RGS7BP: variants seen among roughly 807,000 people sequenced by gnomAD.
RGS7BP encodes the protein regulator of G protein signaling 7-binding protein.
RGS7BP carries 9 observed loss-of-function variants against 31.3 expected under a neutral mutation model. That is an observed-to-expected ratio of 0.29 (90% CI 0.17 to 0.50). The LOEUF (loss-of-function observed/expected upper bound fraction) is 0.50, where lower values mean the gene tolerates loss of function less well. RGS7BP is among the 20% of genes least tolerant of loss of function. RGS7BP has a pLI of 0.98. For synonymous variants in RGS7BP, 115 were observed against 120.1 expected, an observed-to-expected ratio of 0.96 and a Z score of 0.28; for missense variants, 274 against 322.0, an observed-to-expected ratio of 0.85 and a Z score of 1.14.
Position 64,607,584 on chromosome 5 carries a change from TA to T in RGS7BP, c.683-1576del, listed in dbSNP as rs1743396536. The stretch of plus-strand genomic sequence containing the variant: ...GAAAGAAATGTCTGGGTTATTATGA[TA>T]GGGGGTTATGGAGACCAAGGTTTTA... On this transcript the variant is annotated intron_variant, in intron 5 of 5. Transcript: ENST00000334025. Among the ~76,000 whole-genome samples the T allele has an allele frequency of 4.6e-5, 7 of 152,096 alleles. No individual in the cohort carries two copies. The South Asian group carries it at 1.5e-3, about 32-fold the overall frequency.
At chr5:64,565,712 A>C (rs949403200) in intron 2 of RGS7BP, among the ~76,000 whole-genome samples, 1 of 152,154 alleles carries the variant, frequency 6.6e-6, no homozygotes, top group African/African-American at 2.4e-5. Context: ...TGGGGATTAC[A>C]GAGATACATA....
intron 2 of RGS7BP, among the ~76,000 whole-genome samples, chr5:64,509,412 G>T (rs1484331771): frequency 1.3e-5 from 2 of 152,170 alleles, no homozygotes; most frequent in Admixed American, 1.3e-4. Context: ...GTTCTAATCA[G>T]AGATGGTGGG....
At chr5:64,532,793 G>A (rs1749405274) in intron 2 of RGS7BP, among the ~76,000 whole-genome samples, 1 of 151,258 alleles carries the variant, frequency 6.6e-6, no homozygotes, top group Non-Finnish European at 1.5e-5. Flanking sequence ...CCCCTTTTCA[G>A]GCCATTCTTC....
intron 2 of RGS7BP, among the ~76,000 whole-genome samples, chr5:64,523,555 C>T (rs1164356842): frequency 6.6e-6 from 1 of 152,168 alleles, no homozygotes; most frequent in East Asian, 1.9e-4. Flanking sequence ...AGTGTTTTAT[C>T]ACTTCGAGTT....
chr5:64,587,637 T>C (rs12514312), intron 3 of RGS7BP, among the ~76,000 whole-genome samples: 44,686 of 151,636 alleles, frequency 0.29, 6,849 homozygotes, highest in South Asian at 0.4. Context: ...CAGGAAAGAG[T>C]ATAAAATAAA....
At chr5:64,521,070 A>G (rs765834514) in intron 2 of RGS7BP, among the ~76,000 whole-genome samples, 2 of 152,126 alleles carry the variant, frequency 1.3e-5, no homozygotes, top group Admixed American at 6.5e-5. Flanking sequence ...TGCCTCCCTC[A>G]TGAGATTTCT....
intron 2 of RGS7BP, among the ~76,000 whole-genome samples, chr5:64,562,927 C>T (rs527638177): frequency 5.9e-5 from 9 of 152,208 alleles, no homozygotes; most frequent in African/African-American, 2.2e-4. Flanking sequence ...ACTTCCTGTT[C>T]CTAGGGATAT....
intron 3 of RGS7BP, among the ~76,000 whole-genome samples, chr5:64,581,129 G>T (rs1742585978): frequency 6.6e-6 from 1 of 152,094 alleles, no homozygotes; most frequent in African/African-American, 2.4e-5. Context: ...TGGGAGGATT[G>T]CTTGAGGTGG....
At chr5:64,587,888 C>T (rs1288526301) in intron 3 of RGS7BP, among the ~76,000 whole-genome samples, 2 of 152,154 alleles carry the variant, frequency 1.3e-5, no homozygotes, top group African/African-American at 4.8e-5. Flanking sequence ...GACACACCCC[C>T]TTCTCCATCA....
chr5:64,530,281 C>T (rs564203248), intron 2 of RGS7BP, among the ~76,000 whole-genome samples: 4 of 152,314 alleles, frequency 2.6e-5, no homozygotes, highest in African/African-American at 4.8e-5. Flanking sequence ...AGAAGTATTT[C>T]ATCTCCCAGG....
chr5:64,591,164 T>C (rs2111947861), intron 3 of RGS7BP, among the ~76,000 whole-genome samples: 1 of 152,158 alleles, frequency 6.6e-6, no homozygotes, highest in African/African-American at 2.4e-5. Context: ...TCAGTATCCA[T>C]TATATGGAGA....
rs545689506 is a variant in RGS7BP at position 64,526,107 on chromosome 5, G to A, written c.332+18230G>A. Reference sequence around the variant, plus strand: ...AGGGAAGAAGGCTTTATTATATTACGGGTGACGTCAGCCAGAGAGACGAGA... The same window carrying A: ...AGGGAAGAAGGCTTTATTATATTACAGGTGACGTCAGCCAGAGAGACGAGA... On this transcript the variant is annotated intron_variant, in intron 2 of 5. Coordinates refer to ENST00000334025, the MANE Select transcript of RGS7BP (RefSeq NM_001029875.3). Among the ~76,000 whole-genome samples the A allele has an allele frequency of 2.2e-4, 33 of 152,264 alleles. 1 individual carries two copies. Among genetic ancestry groups the A allele is most frequent in the Admixed American group, 2.0e-3 (30 of 15,304 alleles).
chr5:64,518,653 G>A (rs1313546784), intron 2 of RGS7BP, among the ~76,000 whole-genome samples: 1 of 152,070 alleles, frequency 6.6e-6, no homozygotes, highest in Non-Finnish European at 1.5e-5. Context: ...TTATCGGTTT[G>A]GAATTATCTT....
chr5:64,596,685 G>A (rs1017546437), intron 4 of RGS7BP, among the ~76,000 whole-genome samples: 28 of 152,132 alleles, frequency 1.8e-4, no homozygotes, highest in African/African-American at 4.1e-4. Flanking sequence ...CTCACACCTC[G>A]CACCCATGAG....
chr5:64,543,648 G>C (rs1485416027), intron 2 of RGS7BP, among the ~76,000 whole-genome samples: 1 of 152,260 alleles, frequency 6.6e-6, no homozygotes, highest in African/African-American at 2.4e-5. Flanking sequence ...CCAATGTCCA[G>C]GTATAACCAA....
chr5:64,545,414 A>G (rs973350136), intron 2 of RGS7BP, among the ~76,000 whole-genome samples: 4 of 151,774 alleles, frequency 2.6e-5, no homozygotes, highest in African/African-American at 7.3e-5. Flanking sequence ...AAGTGTAATA[A>G]TTAAAAAAAA....
At chr5:64,550,396 C>T (rs139969872) in intron 2 of RGS7BP, among the ~76,000 whole-genome samples, 47 of 152,176 alleles carry the variant, frequency 3.1e-4, no homozygotes, top group African/African-American at 1.1e-3. Flanking sequence ...GTCTCTTTTT[C>T]TAAAGGCACT....
At chr5:64,552,890 A>G (rs991313159) in intron 2 of RGS7BP, among the ~76,000 whole-genome samples, 5 of 152,014 alleles carry the variant, frequency 3.3e-5, no homozygotes, top group African/African-American at 1.2e-4. Context: ...AGCCCAGATA[A>G]TTTGAAATCA....
At chr5:64,518,216 G>C (rs1356876546) in intron 2 of RGS7BP, among the ~76,000 whole-genome samples, 2 of 152,074 alleles carry the variant, frequency 1.3e-5, no homozygotes, top group Non-Finnish European at 2.9e-5. Context: ...ATATATAACA[G>C]TATTTCCTAT....
Sources: allele counts gnomAD v4.1 joint callset (sites outside exome capture counted in the v4.1 genomes callset), GRCh38; gene constraint gnomAD v4.1.1; transcripts MANE v1.5; gene names NCBI Gene and HGNC (gene_info 2026-07-23, HGNC 2026-07-21).